The following PTCH1 variants were observed in gnomAD, a reference collection of about 807,000 sequenced individuals.
PTCH1 encodes protein patched homolog 1.
PTCH1 carries 14 observed loss-of-function variants against 144.6 expected under a neutral mutation model. The ratio of observed to expected loss-of-function variants is 0.10; its 90% CI spans 0.06 to 0.15. PTCH1 has a LOEUF of 0.15. Ranked by LOEUF, PTCH1 falls within the 10% of genes least tolerant of loss-of-function variation. The probability of loss-of-function intolerance (pLI) is 1.00; values close to 1 mark genes in which losing one functional copy is unlikely to be tolerated. For synonymous variants in PTCH1, 833 were observed against 793.6 expected (o/e 1.05, Z -0.83); for missense variants, 1,623 against 1,948.3 (o/e 0.83, Z 3.14).
rs769287098 is a variant in PTCH1, at chr9:95,449,205, G to A, written c.3668C>T (p.Ser1223Leu). Residue 1223 changes from serine (S) to leucine (L), a missense_variant, in exon 22 of 24, where the codon TCG becomes TTG. By Grantham distance (145) the Ser-to-Leu change is moderately radical. This residue lies in a region of PTCH1 where 504 missense variants were observed against 679.3 expected (regional missense o/e 0.74). Transcript: ENST00000331920. This position sits in a 1 kb window ranked among gnomAD's most constrained non-coding sequence, Gnocchi z 5.3. ...HTHSGSDSSD[S>L]EYSSQTTVSG... ...CACTGTCGTCTGGGAACTATACTCC[G>A]AGTCGGAGGAATCAGACCCGCTGTG... 3.1e-6 allele frequency: 5 copies of A among 1,605,310 alleles called. No individual in the cohort carries two copies. Among genetic ancestry groups the A allele is most frequent in the Admixed American group, 1.7e-5 (1 of 58,264 alleles).
At chr9:95,481,507 G>A (rs923660606) in intron 5 of PTCH1, among the ~76,000 whole-genome samples, 3 of 152,198 alleles carry the variant, frequency 2.0e-5, no homozygotes, top group African/African-American at 7.2e-5. Flanking sequence ...AATGCCATTA[G>A]TGTGATCTAA....
intron 15 of PTCH1, among the ~76,000 whole-genome samples, chr9:95,465,678 G>C (rs1839936945): frequency 6.6e-6 from 1 of 152,190 alleles, no homozygotes. Context: ...GAAACTGGCT[G>C]CTGAGTCTTT....
intron 2 of PTCH1, among the ~76,000 whole-genome samples, chr9:95,496,846 TA>T (rs1281647769): frequency 6.6e-6 from 1 of 152,070 alleles, no homozygotes; most frequent in Non-Finnish European, 1.5e-5. Flanking sequence ...AGCCTCTATT[TA>T]AAAAGAGGCT....
At chr9:95,463,561 GCCT>G (rs1226587957) in intron 15 of PTCH1, among the ~76,000 whole-genome samples, 1 of 152,140 alleles carries the variant, frequency 6.6e-6, no homozygotes, top group Non-Finnish European at 1.5e-5. Flanking sequence ...AAAAAGGGAG[GCCT>G]CGTCTGTTTT....
rs773304123 is a variant in PTCH1, at chr9:95,467,363, C to T, written c.2313G>A (p.Val771=). ...LGVSLYGTTR[V]RDGLDLTDIV... ...TGTCCGTAAGGTCCAGCCCGTCTCTCACTCGGGTGGTGCCATAAAGGCTGA... is the reference window on the plus strand; with the variant it reads ...TGTCCGTAAGGTCCAGCCCGTCTCTTACTCGGGTGGTGCCATAAAGGCTGA... Residue 771 remains valine (V), a synonymous_variant, in exon 15 of 24, where the codon GTG becomes GTA. Transcript: ENST00000331920. The T allele has an allele frequency of 1.2e-6, 2 of 1,614,208 alleles. No individual in the cohort carries two copies. Among genetic ancestry groups the T allele is most frequent in the Admixed American group, 3.3e-5 (2 of 60,026 alleles).
At chr9:95,470,131 G>A (rs1185881990) in intron 12 of PTCH1, among the ~76,000 whole-genome samples, 200 bp from the exon 13 acceptor site, 1 of 151,998 alleles carries the variant, frequency 6.6e-6, no homozygotes, top group Non-Finnish European at 1.5e-5. Flanking sequence ...ACTGTTTCTG[G>A]GCCTTTCTAT....
intron 1 of PTCH1, among the ~76,000 whole-genome samples, chr9:95,516,250 G>C (rs987662541): frequency 6.1e-5 from 9 of 147,860 alleles, no homozygotes; most frequent in African/African-American, 1.7e-4. Context: ...GCGTGCGAGC[G>C]AGCGTGGAGG....
At chr9:95,506,040 C>T (rs1843582701) in intron 2 of PTCH1, among the ~76,000 whole-genome samples, 1 of 147,900 alleles carries the variant, frequency 6.8e-6, no homozygotes, top group South Asian at 2.1e-4. Flanking sequence ...CGGAGCGGGG[C>T]CGGGAGAGGC....
At position 95,446,177 on chromosome 9, in the gene PTCH1, A is replaced by G. The variant is rs1267961103; in HGVS notation, c.*216T>C. ...GAAGCCCCAGATCATACCACTTTAC[A>G]TCCTTCCTTCCTATATTACACATGT... is the stretch of plus-strand genomic sequence containing the variant. On this transcript the variant is annotated 3_prime_UTR_variant, in exon 24 of 24. Transcript: ENST00000331920. 5.8e-6 allele frequency: 2 copies of G among 345,044 alleles called. No individual in the cohort carries two copies. The highest frequency in any genetic ancestry group is 1.1e-5 in the Non-Finnish European group (2 of 174,898). The allele number at this position is 345,044 out of a possible 1,614,324, so 21.4% of individuals were successfully genotyped here.
At chr9:95,507,975 AC>A (rs1843857511) in intron 1 of PTCH1, 185 bp downstream of exon 1, 1 of 1,490,528 alleles carries the variant, frequency 6.7e-7, no homozygotes, top group African/African-American at 1.4e-5. Flanking sequence ...TCCTCCCAGG[AC>A]CAGAGGGAGG....
chr9:95,488,366 TGGCCAAGCAACTA>T (rs1842134144), intron 2 of PTCH1, among the ~76,000 whole-genome samples: 2 of 152,168 alleles, frequency 1.3e-5, no homozygotes, highest in African/African-American at 4.8e-5. Context: ...CATGATAGGG[TGGCCAAGCAACTA>T]GAGTTGAGAC....
At chr9:95,507,455 A>G in intron 1 of PTCH1, 4 of 984,532 alleles carry the variant, frequency 4.1e-6, no homozygotes, top group Non-Finnish European at 4.8e-6. Context: ...TCGTAAACAC[A>G]ATGAACCCGG....
intron 1 of PTCH1, among the ~76,000 whole-genome samples, chr9:95,515,212 C>T (rs1564097503): frequency 6.6e-6 from 1 of 152,122 alleles, no homozygotes; most frequent in Admixed American, 6.5e-5. Flanking sequence ...AAATAAAAAC[C>T]TAAAAGAAAT....
At chr9:95,470,252 C>T (rs191927068) in intron 12 of PTCH1, among the ~76,000 whole-genome samples, 6 of 152,290 alleles carry the variant, frequency 3.9e-5, no homozygotes, top group East Asian at 3.9e-4. Flanking sequence ...AGAGCACACT[C>T]GAGATAGAAT....
intron 2 of PTCH1, among the ~76,000 whole-genome samples, chr9:95,506,032 G>A (rs1392054510): frequency 1.3e-5 from 2 of 148,190 alleles, no homozygotes; most frequent in Admixed American, 6.7e-5. Context: ...CCGGGCCGCG[G>A]AGCGGGGCCG....
chr9:95,501,620 C>T (rs1009215058), intron 2 of PTCH1, among the ~76,000 whole-genome samples: 1 of 151,800 alleles, frequency 6.6e-6, no homozygotes, highest in Non-Finnish European at 1.5e-5. Flanking sequence ...ATCCAAACAC[C>T]AAAGCAATAT....
chr9:95,494,491 A>C, intron 2 of PTCH1: 2 of 966,952 alleles, frequency 2.1e-6, no homozygotes, highest in East Asian at 1.1e-4. Flanking sequence ...TGCAGAGCAC[A>C]GGCGGAAATG....
rs368636457 is a variant in PTCH1 at position 95,449,918 on chromosome 9, T to A, written c.3472A>T (p.Ile1158Phe). Residue 1158 changes from isoleucine (I) to phenylalanine (F), a missense_variant, in exon 21 of 24, where the codon ATC becomes TTC. Ile to Phe is a conservative substitution (Grantham distance 21). Around this residue, in one of 7 missense-constraint regions of PTCH1, gnomAD observed 504 missense variants for 679.3 expected, o/e 0.74. Transcript: ENST00000331920. This position sits in a 1 kb window ranked among gnomAD's most constrained non-coding sequence, Gnocchi z 5.3. ...IVRYFFAVLA[I>F]LTILGVLNGL... ...TTGAGAACGCCGAGGATGGTGAGGATCGCCAGCACAGCAAAGAAATACCTG... is the reference window on the plus strand; with the variant it reads ...TTGAGAACGCCGAGGATGGTGAGGAACGCCAGCACAGCAAAGAAATACCTG... 10 of 1,614,050 alleles carry A rather than the reference T, an allele frequency of 6.2e-6. 1 individual carries two copies. In the South Asian group the frequency reaches 1.1e-4, roughly 18 times the overall value.
chr9:95,444,527 A>ACACACC lies in PTCH1; in HGVS notation c.*1865_*1866insGGTGTG, dbSNP rs1306531500. On this transcript the variant is annotated 3_prime_UTR_variant, in exon 24 of 24. Coordinates refer to ENST00000331920, the MANE Select transcript of PTCH1 (RefSeq NM_000264.5). ...CACGCACGCACACACACACACACAC[A>ACACACC]CCCAGCAGCCACAAGCGGCTCCCAA... 4 of 152,928 alleles carry ACACACC rather than the reference A, an allele frequency of 2.6e-5. No individual in the cohort carries two copies. The highest frequency in any genetic ancestry group is 9.7e-5 in the African/African-American group (4 of 41,120). 9.5% of individuals were successfully genotyped at this position (152,928 alleles called of 1,614,324 possible).
Sources: gnomAD v4.1 joint callset for allele counts (sites outside exome capture counted in the v4.1 genomes callset) on GRCh38, gnomAD v4.1.1 for gene constraint, gnomAD v4.1.1 regional missense constraint, Gnocchi (gnomAD v3.1) non-coding constraint, MANE v1.5 for transcripts, NCBI Gene and HGNC (gene_info 2026-07-23, HGNC 2026-07-21) for gene names.